CALCRL: variants seen among roughly 807,000 people sequenced by gnomAD.
CALCRL encodes calcitonin gene-related peptide type 1 receptor.
Under a neutral mutation model 60.4 loss-of-function variants are expected in CALCRL, and 27 were observed. That is an observed-to-expected ratio of 0.45 (90% confidence interval 0.33 to 0.62). CALCRL has a LOEUF of 0.62. Among genes scored for constraint, CALCRL ranks in the 20% least tolerant of loss-of-function variants. The pLI, the probability that CALCRL is intolerant of heterozygous loss-of-function variation, is 0.03. For missense variants in CALCRL, 424 were observed against 540.7 expected (o/e 0.78, Z 2.14); for synonymous variants, 190 against 182.6 (o/e 1.04, Z -0.33).
At chr2:187,415,543 G>A (rs1028812078) in intron 1 of CALCRL, 4 of 443,676 alleles carry the variant, frequency 9.0e-6, no homozygotes, top group Middle Eastern at 6.2e-4. Context: ...GTTTGGGACA[G>A]GAAACTCTGC....
chr2:187,428,372 A>G (rs1238152213), intron 1 of CALCRL: 1 of 152,216 alleles, frequency 6.6e-6, no homozygotes, highest in Non-Finnish European at 1.5e-5. Flanking sequence ...TTAATTGGAG[A>G]CACTGCTCAT....
At chr2:187,443,910 C>T (rs1353572020) in intron 1 of CALCRL, among the ~76,000 whole-genome samples, 2 of 151,544 alleles carry the variant, frequency 1.3e-5, no homozygotes, top group Non-Finnish European at 3.0e-5. Flanking sequence ...TTAGTGAATG[C>T]GGGTTCAAAT....
intron 1 of CALCRL, among the ~76,000 whole-genome samples, chr2:187,419,114 C>G (rs1483573114): frequency 6.7e-6 from 1 of 148,748 alleles, no homozygotes; most frequent in Non-Finnish European, 1.5e-5. Context: ...ACCTCATGAT[C>G]CACCCGCCTC....
At chr2:187,361,019 T>C (rs997886824) in intron 9 of CALCRL, among the ~76,000 whole-genome samples, 2 of 152,120 alleles carry the variant, frequency 1.3e-5, no homozygotes, top group African/African-American at 4.8e-5. Context: ...ATGTGTATTT[T>C]CTGAATGTGT....
chr2:187,359,727 G>T (rs1484240728), intron 10 of CALCRL, among the ~76,000 whole-genome samples: 2 of 151,908 alleles, frequency 1.3e-5, no homozygotes, highest in Admixed American at 6.6e-5. Flanking sequence ...AAGAGAAGAA[G>T]AAAAAAAGTG....
At position 187,355,306 on chromosome 2, in the gene CALCRL, G is replaced by T. The variant is rs554681381; in HGVS notation, c.910-2974C>A. Among the ~76,000 whole-genome samples, 12 of 152,200 alleles carry T rather than the reference G, an allele frequency of 7.9e-5. No homozygotes were observed. The East Asian group carries it at 2.3e-3, about 29-fold the overall frequency. ...TTTTATGCACACAATGCAAAGCCAG[G>T]CAGTCTCAGGGTACAACTTAAACAC... On this transcript the variant is annotated intron_variant, in intron 12 of 14. Coordinates refer to ENST00000392370, the MANE Select transcript of CALCRL (RefSeq NM_005795.6).
intron 1 of CALCRL, among the ~76,000 whole-genome samples, chr2:187,437,392 A>G (rs1038614682): frequency 1.3e-5 from 2 of 152,094 alleles, no homozygotes; most frequent in Non-Finnish European, 2.9e-5. Flanking sequence ...AATACAAAAA[A>G]TTAGCCGGGC....
intron 8 of CALCRL, among the ~76,000 whole-genome samples, chr2:187,371,803 T>C (rs910813327): frequency 2.6e-5 from 4 of 152,028 alleles, no homozygotes; most frequent in Non-Finnish European, 5.9e-5. Context: ...AGAAAAACTG[T>C]ACTTGCTCTA....
chr2:187,406,011 G>A (rs1383215065), intron 1 of CALCRL, among the ~76,000 whole-genome samples: 1 of 149,530 alleles, frequency 6.7e-6, no homozygotes, highest in Non-Finnish European at 1.5e-5. Context: ...ATGTGCATAT[G>A]TTTTAACCAT....
chr2:187,412,804 T>G (rs1203671457), intron 1 of CALCRL, among the ~76,000 whole-genome samples: 2 of 152,228 alleles, frequency 1.3e-5, no homozygotes, highest in Non-Finnish European at 2.9e-5. Context: ...TTTTAAAGCC[T>G]AGGACATCTC....
intron 8 of CALCRL, among the ~76,000 whole-genome samples, chr2:187,371,743 TA>T (rs1401343060): frequency 2.8e-5 from 4 of 142,564 alleles, no homozygotes; most frequent in African/African-American, 5.2e-5. Context: ...TTTTTTTTTT[TA>T]AAGAAAAGAT....
At chr2:187,410,728 A>T (rs1379608433) in intron 1 of CALCRL, among the ~76,000 whole-genome samples, 1 of 152,082 alleles carries the variant, frequency 6.6e-6, no homozygotes, top group Non-Finnish European at 1.5e-5. Context: ...AATGTTAAGG[A>T]TGAAGAAGAG....
intron 1 of CALCRL, among the ~76,000 whole-genome samples, chr2:187,414,889 TAAAAA>T (rs3053232): frequency 2.0e-5 from 3 of 146,462 alleles, no homozygotes; most frequent in South Asian, 4.3e-4. Flanking sequence ...TTTTTTTTTT[TAAAAA>T]AAAAAAGGTA....
intron 1 of CALCRL, among the ~76,000 whole-genome samples, chr2:187,392,716 A>G (rs1688499431): frequency 6.6e-6 from 1 of 151,846 alleles, no homozygotes; most frequent in Non-Finnish European, 1.5e-5. Flanking sequence ...ATTTATTATT[A>G]TTTTTTTAGA....
chr2:187,355,175 A>C (rs909313643), intron 12 of CALCRL, among the ~76,000 whole-genome samples: 1 of 152,108 alleles, frequency 6.6e-6, no homozygotes, highest in Non-Finnish European at 1.5e-5. Flanking sequence ...ATCATTACAG[A>C]TGAGAAAACA....
At chr2:187,373,743 G>T (rs1432895298) in intron 8 of CALCRL, among the ~76,000 whole-genome samples, 1 of 152,162 alleles carries the variant, frequency 6.6e-6, no homozygotes, top group African/African-American at 2.4e-5. Context: ...CTATGATGTA[G>T]ATACTAATAT....
At position 187,385,589 on chromosome 2, in the gene CALCRL, T is replaced by C; in HGVS notation, c.7A>G (p.Lys3Glu). ...ACCAGAAAATACAGGGTACACTTTT[T>C]CTCCATCATTAAGCCAAAATGAAAT... ME[K>E]KCTLYFLVLL... Residue 3 changes from lysine to glutamate, a missense_variant, in exon 4 of 15, where the codon AAA becomes GAA. Coordinates refer to ENST00000392370, the MANE Select transcript of CALCRL (RefSeq NM_005795.6). 2 of 1,565,490 alleles carry C rather than the reference T, an allele frequency of 1.3e-6. No individual in the cohort carries two copies. Among genetic ancestry groups the C allele is most frequent in the Non-Finnish European group, 1.7e-6 (2 of 1,145,046 alleles).
At chr2:187,385,270 C>A (rs1332517663) in intron 4 of CALCRL, among the ~76,000 whole-genome samples, 1 of 152,050 alleles carries the variant, frequency 6.6e-6, no homozygotes, top group Non-Finnish European at 1.5e-5. Flanking sequence ...ACCATAGAGT[C>A]ATTCCATTTT....
intron 12 of CALCRL, among the ~76,000 whole-genome samples, chr2:187,354,673 G>A (rs527684155): frequency 2.5e-4 from 38 of 152,032 alleles, no homozygotes; most frequent in Non-Finnish European, 4.1e-4. Context: ...CTTGTTTTAG[G>A]CCAACAAGAT....
Sources: allele counts gnomAD v4.1 joint callset (sites outside exome capture counted in the v4.1 genomes callset), GRCh38; gene constraint gnomAD v4.1.1; transcripts MANE v1.5; gene names NCBI Gene and HGNC (gene_info 2026-07-23, HGNC 2026-07-21).